LY9: variants seen among roughly 807,000 people sequenced by gnomAD.
The protein encoded by LY9 is T-lymphocyte surface antigen Ly-9.
LY9 carries 59 observed loss-of-function variants against 64.6 expected under a neutral mutation model. The observed-to-expected ratio is 0.91, with a 90% CI of 0.74 to 1.13. The LOEUF is 1.13. LY9 is among the 50% of genes most tolerant of loss of function. The pLI is 0.00. For synonymous variants in LY9, 281 were observed against 308.5 expected (o/e 0.91, Z 0.93); for missense variants, 789 against 797.2 (o/e 0.99, Z 0.12).
At chr1:160,804,343 T>C (rs528438619) in intron 2 of LY9, among the ~76,000 whole-genome samples, 1 of 152,288 alleles carries the variant, frequency 6.6e-6, no homozygotes, top group African/African-American at 2.4e-5. Flanking sequence ...ACCATTGAGA[T>C]GATCATATGG....
intron 2 of LY9, among the ~76,000 whole-genome samples, chr1:160,805,296 T>G (rs1028031007): frequency 3.4e-5 from 5 of 149,102 alleles, no homozygotes; most frequent in South Asian, 4.2e-4. Flanking sequence ...GTATGTTGTG[T>G]TTTTTTTTTC....
Position 160,823,529 on chromosome 1 carries a change from C to T in LY9, c.1563C>T (p.Pro521=), listed in dbSNP as rs759308536. 1.2e-6 allele frequency: 2 copies of T among 1,614,194 alleles called. No individual in the cohort carries two copies. Among genetic ancestry groups the T allele is most frequent in the Non-Finnish European group, 1.7e-6 (2 of 1,180,026 alleles). The change falls in exon 8 of 10, where the codon CCC becomes CCT. Residue 521 remains proline (P), a synonymous_variant. Transcript: ENST00000263285. ...LSQGYEKLDT[P]LRPARQQPTP... Reference sequence around the variant, plus strand: ...AAGGATATGAGAAGCTGGACACTCCCCTCAGGCCTGCCAGGCAACAGCCTA... The same window carrying T: ...AAGGATATGAGAAGCTGGACACTCCTCTCAGGCCTGCCAGGCAACAGCCTA...
chr1:160,807,408 G>A (rs1667078826), intron 2 of LY9, among the ~76,000 whole-genome samples: 1 of 152,226 alleles, frequency 6.6e-6, no homozygotes, highest in African/African-American at 2.4e-5. Context: ...AAGTTGCGCT[G>A]AGGATTGAAA....
intron 7 of LY9, 101 bp downstream of exon 7, chr1:160,819,475 T>C (rs546698192): frequency 3.1e-5 from 33 of 1,052,858 alleles, no homozygotes; most frequent in Admixed American, 7.0e-5. Context: ...AGTGTGGGCA[T>C]CACCCAGGAA....
intron 2 of LY9, chr1:160,812,782 CT>C (rs1349608286): frequency 1.3e-5 from 2 of 152,082 alleles, no homozygotes; most frequent in Non-Finnish European, 2.9e-5. Context: ...AATGTATTAC[CT>C]ATTCAAAAGA....
At chr1:160,805,727 T>G (rs898331366) in intron 2 of LY9, among the ~76,000 whole-genome samples, 2 of 140,772 alleles carry the variant, frequency 1.4e-5, no homozygotes, top group African/African-American at 2.7e-5. Flanking sequence ...TGTTGCAGTC[T>G]CTCTCTCTCT....
intron 5 of LY9, 119 bp from the exon 6 acceptor site, chr1:160,818,099 C>T: frequency 2.9e-6 from 2 of 686,044 alleles, no homozygotes; most frequent in Non-Finnish European, 5.1e-6. Context: ...AAAAGAAAGA[C>T]TTTCCACAAC....
chr1:160,816,312 A>C (rs1456119192), intron 4 of LY9, among the ~76,000 whole-genome samples: 1 of 152,214 alleles, frequency 6.6e-6, no homozygotes, highest in African/African-American at 2.4e-5. Flanking sequence ...TTGCTTTCAC[A>C]GCTGTAACTA....
intron 1 of LY9, 30 bp from the exon 2 acceptor site, chr1:160,799,723 C>T: frequency 2.8e-6 from 4 of 1,444,470 alleles, no homozygotes; most frequent in Non-Finnish European, 3.8e-6. Context: ...AGTCTAGCTG[C>T]TCCTCCAAGT....
intron 5 of LY9, among the ~76,000 whole-genome samples, chr1:160,817,111 CATT>C (rs1203628409): frequency 1.3e-5 from 2 of 152,114 alleles, no homozygotes; most frequent in Non-Finnish European, 2.9e-5. Flanking sequence ...TCCAAAATAT[CATT>C]ATTCAACGTG....
chr1:160,800,962 C>G (rs746669156), intron 2 of LY9, among the ~76,000 whole-genome samples: 1 of 152,204 alleles, frequency 6.6e-6, no homozygotes, highest in African/African-American at 2.4e-5. Flanking sequence ...TCCATTCTTC[C>G]GCTAAGGGAC....
At chr1:160,823,105 G>A (rs1195614138) in intron 7 of LY9, among the ~76,000 whole-genome samples, 1 of 152,120 alleles carries the variant, frequency 6.6e-6, no homozygotes, top group African/African-American at 2.4e-5. Flanking sequence ...ATTTACACAT[G>A]CACCTGACTC....
intron 7 of LY9, among the ~76,000 whole-genome samples, chr1:160,821,968 T>C (rs77938470): frequency 6.3e-4 from 96 of 152,280 alleles, no homozygotes; most frequent in Non-Finnish European, 1.3e-3. Flanking sequence ...TACGGATAGT[T>C]ATTGTCTATG....
At chr1:160,822,991 C>T (rs549083752) in intron 7 of LY9, among the ~76,000 whole-genome samples, 1 of 152,342 alleles carries the variant, frequency 6.6e-6, no homozygotes, top group Non-Finnish European at 1.5e-5. Context: ...CTGCCACTTT[C>T]ATGAGTTCCT....
In LY9 at chr1:160,813,797, A is replaced by G. The variant is rs539946937; in HGVS notation, c.616A>G (p.Ile206Val). 253 of 1,614,196 alleles carry G rather than the reference A, an allele frequency of 1.6e-4. 1 individual carries two copies. In the South Asian group the frequency reaches 2.3e-3, roughly 14 times the overall value. Residue 206 changes from isoleucine to valine, a missense_variant, in exon 3 of 10, where the codon ATT becomes GTT. Coordinates refer to ENST00000263285, the MANE Select transcript of LY9 (RefSeq NM_002348.4). The stretch of plus-strand genomic sequence containing the variant: ...TGCTTCTGAGTCCAATGGAGGCTCC[A>G]TTCTTACCGTCTCCCGAACACCATG... ...PHASESNGGS[I>V]LTVSRTPCDP...
At chr1:160,807,985 A>G (rs1348667359) in intron 2 of LY9, among the ~76,000 whole-genome samples, 2 of 151,978 alleles carry the variant, frequency 1.3e-5, no homozygotes, top group Non-Finnish European at 2.9e-5. Flanking sequence ...TGCTCAGGTG[A>G]GGACAGTAGC....
intron 4 of LY9, 111 bp downstream of exon 4, chr1:160,814,872 C>T: frequency 1.2e-6 from 1 of 814,720 alleles, no homozygotes; most frequent in Non-Finnish European, 2.0e-6. Context: ...TACTGAAATG[C>T]CTCAGACCAC....
At chr1:160,798,303 A>G (rs750052523) in intron 1 of LY9, among the ~76,000 whole-genome samples, 1 of 152,184 alleles carries the variant, frequency 6.6e-6, no homozygotes, top group Non-Finnish European at 1.5e-5. Context: ...CAGGGGCATC[A>G]TGGACATAGG....
intron 2 of LY9, among the ~76,000 whole-genome samples, chr1:160,806,894 A>G (rs1667036439): frequency 6.6e-6 from 1 of 152,204 alleles, no homozygotes; most frequent in African/African-American, 2.4e-5. Flanking sequence ...CCCAAATGTA[A>G]CAAAGGTTTA....
Sources: allele counts gnomAD v4.1 joint callset (sites outside exome capture counted in the v4.1 genomes callset), GRCh38; gene constraint gnomAD v4.1.1; transcripts MANE v1.5; gene names NCBI Gene and HGNC (gene_info 2026-07-23, HGNC 2026-07-21).